The following SECISBP2L variants were observed in gnomAD, a reference collection of about 807,000 sequenced individuals.
SECISBP2L encodes the protein SECIS binding protein 2 like, also known as selenocysteine insertion sequence-binding protein 2-like.
Under a neutral mutation model 114.7 loss-of-function variants are expected in SECISBP2L, and 43 were observed. That is an observed-to-expected ratio of 0.38 (90% CI 0.29 to 0.48). The LOEUF (loss-of-function observed/expected upper bound fraction) is 0.48. SECISBP2L is among the 20% of genes least tolerant of loss of function. SECISBP2L has a pLI of 0.98. For missense variants in SECISBP2L, 1,136 were observed against 1,301.1 expected (o/e 0.87, Z 1.95); for synonymous variants, 451 against 439.7 (o/e 1.03, Z -0.32).
At position 48,996,510 on chromosome 15, in the gene SECISBP2L, T is replaced by A; in HGVS notation, c.2480A>T (p.Gln827Leu). 1.2e-6 allele frequency: 2 copies of A among 1,614,176 alleles called. No individual in the cohort carries two copies. Among genetic ancestry groups the A allele is most frequent in the Non-Finnish European group, 1.7e-6 (2 of 1,180,016 alleles). The change falls in exon 17 of 18, where the codon CAG (glutamine) becomes CTG (leucine). Residue 827 changes from glutamine (Q) to leucine (L), a missense_variant. Around this residue, in one of 2 missense-constraint regions of SECISBP2L, gnomAD observed 684 missense variants for 848.7 expected, o/e 0.81. Transcript: ENST00000559471. Reference protein sequence around the residue: ...AYKDMVAAMEQEQAEEALKNV... With the variant: ...AYKDMVAAMELEQAEEALKNV... ...CTTTAAGGCTTCCTCAGCCTGCTCC[T>A]GTTCCATTGCTGCAACCATATCTTT...
At chr15:49,010,124 G>GGCAGACACACACACACACACAC (rs370454161) in intron 13 of SECISBP2L, among the ~76,000 whole-genome samples, 2 of 138,748 alleles carry the variant, frequency 1.4e-5, no homozygotes, top group Non-Finnish European at 3.1e-5. Context: ...AACAGAGGCA[G>GGCAGACACACACACACACACAC]ACACACACAC....
rs1230009993 is a variant in SECISBP2L at position 49,046,390 on chromosome 15, G to C, written c.-91C>G. ...TGGCCCCCCGCTCGGGTCCAGACTG[G>C]GTTCCGGACCTCCGCCCCTATCTGG... On this transcript the variant is annotated 5_prime_UTR_variant, in exon 1 of 18. Transcript: ENST00000559471. The C allele has an allele frequency of 3.0e-6, 4 of 1,320,666 alleles. No homozygotes were observed. 81.8% of individuals were successfully genotyped at this position (1,320,666 alleles called of 1,614,324 possible).
intron 9 of SECISBP2L, 56 bp from the exon 10 acceptor site, chr15:49,017,071 G>A: frequency 1.9e-6 from 3 of 1,555,466 alleles, no homozygotes; most frequent in Admixed American, 1.9e-5. Context: ...TCAATCATAA[G>A]GAAAAAGGAT....
At chr15:49,004,627 TTG>T (rs1205787504) in intron 14 of SECISBP2L, among the ~76,000 whole-genome samples, 4 of 152,254 alleles carry the variant, frequency 2.6e-5, no homozygotes, top group Non-Finnish European at 5.9e-5. Flanking sequence ...TTCTAGTACG[TTG>T]TGTCTTTGTT....
intron 1 of SECISBP2L, among the ~76,000 whole-genome samples, chr15:49,041,427 G>A (rs1249671039): frequency 6.6e-6 from 1 of 152,176 alleles, no homozygotes; most frequent in East Asian, 1.9e-4. Flanking sequence ...TTATTTAAAA[G>A]AGTTTATTAG....
chr15:49,011,908 C>T, intron 12 of SECISBP2L, 45 bp from the exon 13 acceptor site: 3 of 1,595,270 alleles, frequency 1.9e-6, no homozygotes, highest in South Asian at 1.1e-5. Context: ...TACTCTTCAA[C>T]TGTGTACAAA....
intron 11 of SECISBP2L, among the ~76,000 whole-genome samples, chr15:49,014,049 A>G (rs1325402710): frequency 6.6e-6 from 1 of 152,070 alleles, no homozygotes; most frequent in African/African-American, 2.4e-5. Context: ...TTTTTCTCTC[A>G]TTATCACTTT....
chr15:49,028,709 T>G lies in SECISBP2L; in HGVS notation c.665-27A>C, dbSNP rs573071418. The G allele has an allele frequency of 1.2e-4, 179 of 1,543,932 alleles. 1 individual carries two copies. In the East Asian group the frequency reaches 3.9e-3, roughly 33 times the overall value. On this transcript the variant is annotated intron_variant, in intron 4 of 17. Coordinates refer to ENST00000559471, the MANE Select transcript of SECISBP2L (RefSeq NM_001193489.2). Reference sequence around the variant, plus strand: ...TACAAAGGCAAGGAAAGTTTGACAATTCTTTGTGATGAACAAATTGATAAA... The same window carrying G: ...TACAAAGGCAAGGAAAGTTTGACAAGTCTTTGTGATGAACAAATTGATAAA...
chr15:48,996,340 C>A, intron 17 of SECISBP2L, 27 bp downstream of exon 17: 1 of 1,566,794 alleles, frequency 6.4e-7, no homozygotes, highest in Non-Finnish European at 8.8e-7. Context: ...TGGTTTAAGT[C>A]ATTTAAAATA....
intron 1 of SECISBP2L, among the ~76,000 whole-genome samples, 193 bp downstream of exon 1, chr15:49,046,083 T>G (rs1322481989): frequency 6.6e-6 from 1 of 151,986 alleles, no homozygotes; most frequent in Non-Finnish European, 1.5e-5. Context: ...GTAATCAGGG[T>G]TGGAAAAGCC....
chr15:49,036,706 C>G (rs877007), intron 2 of SECISBP2L, among the ~76,000 whole-genome samples: 78,863 of 152,130 alleles, frequency 0.52, 22,311 homozygotes, highest in Non-Finnish European at 0.63. Flanking sequence ...TCTTGATTAA[C>G]AGCCTCAGAA....
intron 1 of SECISBP2L, among the ~76,000 whole-genome samples, chr15:49,038,864 C>T (rs1363520156): frequency 6.6e-6 from 1 of 151,896 alleles, no homozygotes; most frequent in Non-Finnish European, 1.5e-5. Flanking sequence ...AAGCCATGGT[C>T]CTAGCCAGAA....
intron 4 of SECISBP2L, among the ~76,000 whole-genome samples, chr15:49,029,623 G>A (rs1055147205): frequency 6.6e-6 from 1 of 152,110 alleles, no homozygotes; most frequent in Non-Finnish European, 1.5e-5. Context: ...TTGATACACA[G>A]ACACATGAAC....
intron 7 of SECISBP2L, among the ~76,000 whole-genome samples, chr15:49,021,183 C>T (rs1368451672): frequency 6.6e-6 from 1 of 152,136 alleles, no homozygotes; most frequent in Admixed American, 6.6e-5. Flanking sequence ...AGACAGCCAC[C>T]TATGAACCAC....
intron 1 of SECISBP2L, among the ~76,000 whole-genome samples, chr15:49,039,613 C>T (rs1474172149): frequency 6.7e-6 from 1 of 150,096 alleles, no homozygotes; most frequent in Non-Finnish European, 1.5e-5. Flanking sequence ...TGGCTCATTG[C>T]AGCCTCAATC....
At position 49,012,673 on chromosome 15, in the gene SECISBP2L, A is replaced by G; in HGVS notation, c.1706T>C (p.Leu569Pro). Residue 569 changes from leucine to proline, a missense_variant, in exon 12 of 18, where the codon CTA becomes CCA. Transcript: ENST00000559471. ...CTTTTTAAGTGCTGTGGGTCGTTTT[A>G]GTTTTGCAATTTCCTTCTCTTTTCC... is the stretch of plus-strand genomic sequence containing the variant. Reference protein sequence around the residue: ...KKGKEKEIAKLKRPTALKKVI... With the variant: ...KKGKEKEIAKPKRPTALKKVI... 13 of 1,597,394 alleles carry G rather than the reference A, an allele frequency of 8.1e-6. No individual in the cohort carries two copies. Among genetic ancestry groups the G allele is most frequent in the South Asian group, 1.1e-5 (1 of 90,782 alleles).
intron 7 of SECISBP2L, among the ~76,000 whole-genome samples, chr15:49,025,485 T>C (rs1007502455): frequency 2.1e-4 from 32 of 152,212 alleles, no homozygotes; most frequent in Non-Finnish European, 4.1e-4. Context: ...AATAACTGTA[T>C]GCATTAAACA....
intron 8 of SECISBP2L, among the ~76,000 whole-genome samples, chr15:49,018,959 A>G (rs1309881794): frequency 6.6e-6 from 1 of 152,242 alleles, no homozygotes; most frequent in African/African-American, 2.4e-5. Context: ...TGTTAGATGA[A>G]TAACAGTGCA....
chr15:48,996,944 T>C (rs1167836284), intron 16 of SECISBP2L, among the ~76,000 whole-genome samples: 2 of 152,168 alleles, frequency 1.3e-5, no homozygotes. Context: ...ACCTTCTATG[T>C]GGCTAGAAAA....
Sources: gnomAD v4.1 joint callset for allele counts (sites outside exome capture counted in the v4.1 genomes callset) on GRCh38, gnomAD v4.1.1 for gene constraint, gnomAD v4.1.1 regional missense constraint, MANE v1.5 for transcripts, NCBI Gene and HGNC (gene_info 2026-07-23, HGNC 2026-07-21) for gene names.